The following INTS12 variants were observed in gnomAD, a reference collection of about 807,000 sequenced individuals.
The protein encoded by INTS12 is integrator complex subunit 12.
In INTS12, 13 loss-of-function variants were observed where a neutral mutation model predicts 41.6. That is an observed-to-expected ratio of 0.31 (90% CI 0.20 to 0.50). The LOEUF (loss-of-function observed/expected upper bound fraction) is 0.50, where lower values mean the gene tolerates loss of function less well. INTS12 is among the 20% of genes least tolerant of loss of function. INTS12 has a pLI of 0.98. For synonymous variants in INTS12, 199 were observed against 191.4 expected (o/e 1.04, Z -0.33); for missense variants, 432 against 541.6 (o/e 0.80, Z 2.01).
intron 7 of INTS12, among the ~76,000 whole-genome samples, chr4:105,684,737 A>G (rs1159144202): frequency 6.6e-6 from 1 of 150,392 alleles, no homozygotes; most frequent in Non-Finnish European, 1.5e-5. Flanking sequence ...AAAGTTAGTC[A>G]AGAAGTAAAC....
chr4:105,688,617 C>G (rs1229786748), intron 6 of INTS12, among the ~76,000 whole-genome samples: 2 of 152,140 alleles, frequency 1.3e-5, no homozygotes, highest in African/African-American at 2.4e-5. Flanking sequence ...AACCATGTTA[C>G]GAGAATGCAT....
In INTS12 at chr4:105,695,552, C is replaced by T. The variant is rs552275705; in HGVS notation, c.273G>A (p.Lys91=). 3.7e-6 allele frequency: 6 copies of T among 1,609,336 alleles called. No homozygotes were observed. The South Asian group carries it at 4.5e-5, about 12-fold the overall frequency. Residue 91 remains lysine (K), a synonymous_variant, in exon 4 of 8, where the codon AAG becomes AAA. Coordinates refer to ENST00000340139, the MANE Select transcript of INTS12 (RefSeq NM_020395.4). ...NNNGKVLTTE[K]VKKEAEKRPA... is the part of the protein sequence containing the mutation. ...GTCTCTTTTCAGCTTCCTTCTTTAC[C>T]TTTTCAGTTGTGAGGACCTTGCCAT...
intron 6 of INTS12, among the ~76,000 whole-genome samples, chr4:105,688,294 C>T (rs1731564658): frequency 6.6e-6 from 1 of 152,134 alleles, no homozygotes; most frequent in Non-Finnish European, 1.5e-5. Context: ...CCATACAGTA[C>T]TATACCAGGG....
At chr4:105,696,025 T>C (rs1047598089) in intron 3 of INTS12, among the ~76,000 whole-genome samples, 1 of 152,030 alleles carries the variant, frequency 6.6e-6, no homozygotes, top group African/African-American at 2.4e-5. Flanking sequence ...CTGATTTTTG[T>C]AGTTTCAGTA....
intron 7 of INTS12, 146 bp from the exon 8 acceptor site, chr4:105,683,463 C>T: frequency 1.5e-6 from 1 of 658,282 alleles, no homozygotes; most frequent in Non-Finnish European, 2.5e-6. Context: ...CAGAACAAAA[C>T]TTATCTGTAT....
chr4:105,684,223 G>T (rs578248951), intron 7 of INTS12, among the ~76,000 whole-genome samples: 99 of 152,212 alleles, frequency 6.5e-4, no homozygotes, highest in African/African-American at 2.3e-3. Flanking sequence ...GTTCACACAA[G>T]AATATATTTT....
At chr4:105,697,276 C>G (rs533612581) in intron 3 of INTS12, among the ~76,000 whole-genome samples, 1 of 152,192 alleles carries the variant, frequency 6.6e-6, no homozygotes, top group Non-Finnish European at 1.5e-5. Flanking sequence ...CCCCCTCCCC[C>G]AAAAGGAGGG....
intron 6 of INTS12, among the ~76,000 whole-genome samples, chr4:105,689,315 T>C (rs958700169): frequency 5.6e-4 from 86 of 152,232 alleles, no homozygotes; most frequent in African/African-American, 2.1e-3. Context: ...AGGTCCTATT[T>C]ATAATATCTT....
chr4:105,683,419 T>C, intron 7 of INTS12, 102 bp from the exon 8 acceptor site: 1 of 856,710 alleles, frequency 1.2e-6, no homozygotes, highest in Non-Finnish European at 1.7e-6. Context: ...CACCACCAAA[T>C]TAGGTTCTTA....
chr4:105,684,928 C>T (rs957623725), intron 7 of INTS12, among the ~76,000 whole-genome samples: 6 of 152,020 alleles, frequency 3.9e-5, no homozygotes, highest in Non-Finnish European at 7.4e-5. Flanking sequence ...ATGTGTCTGG[C>T]ATTTCATTTT....
chr4:105,695,678 G>A lies in INTS12; in HGVS notation c.157-10C>T, dbSNP rs1371777744. 5 of 1,596,552 alleles carry A rather than the reference G, an allele frequency of 3.1e-6. No individual in the cohort carries two copies. The highest frequency in any genetic ancestry group is 3.6e-5 in the Admixed American group (2 of 56,334). ...TGGGTGGCTCCACATCCTAAAAGAT[G>A]AAAAAAGGTACCAGTAATTAAATAT... On this transcript the variant is annotated splice_polypyrimidine_tract_variant and intron_variant, in intron 3 of 7. Transcript: ENST00000340139.
At chr4:105,686,999 C>A in intron 6 of INTS12, 161 bp from the exon 7 acceptor site, 1 of 629,236 alleles carries the variant, frequency 1.6e-6, no homozygotes, top group East Asian at 2.8e-5. Flanking sequence ...AAATTATTAT[C>A]ATATTAATGG....
intron 1 of INTS12, among the ~76,000 whole-genome samples, chr4:105,704,636 A>G (rs1010739557): frequency 2.6e-5 from 4 of 152,192 alleles, no homozygotes; most frequent in African/African-American, 9.6e-5. Flanking sequence ...TGCCAGCTTG[A>G]CATGGATATA....
At chr4:105,693,626 C>T (rs1034690128) in intron 4 of INTS12, 140 bp from the exon 5 acceptor site, 3 of 584,506 alleles carry the variant, frequency 5.1e-6, no homozygotes, top group Middle Eastern at 4.7e-4. Flanking sequence ...GACAGATGTG[C>T]ACATTAAAGA....
rs1560780707 is a variant in INTS12, at chr4:105,700,019, AG to A, written c.-9-6del. 1 of 1,465,434 alleles carries A rather than the reference AG, an allele frequency of 6.8e-7. No homozygotes were observed. The highest frequency in any genetic ancestry group is 1.4e-5 in the African/African-American group (1 of 71,166). 90.8% of individuals were successfully genotyped at this position (1,465,434 alleles called of 1,614,324 possible). ...AGTAGCAGCCATTGCAAACGCCTGA[AG>A]GAAAAAAAGAGAAAGTAATCTAGAA... On this transcript the variant is annotated splice_region_variant and splice_polypyrimidine_tract_variant and intron_variant, in intron 2 of 7. Coordinates refer to ENST00000340139, the MANE Select transcript of INTS12 (RefSeq NM_020395.4).
intron 3 of INTS12, among the ~76,000 whole-genome samples, chr4:105,695,946 T>G (rs867701251): frequency 1.3e-5 from 2 of 152,124 alleles, no homozygotes; most frequent in Non-Finnish European, 1.5e-5. Flanking sequence ...CTCTGCCTCC[T>G]GGGTTCAAGT....
At position 105,683,185 on chromosome 4, in the gene INTS12, T is replaced by C. The variant is rs1443109072; in HGVS notation, c.937A>G (p.Thr313Ala). The change falls in exon 8 of 8, where the codon ACA becomes GCA. Residue 313 changes from threonine to alanine, a missense_variant. Transcript: ENST00000340139. ...AGPSTAKLSS[T>A]TQNNTGKPAT... ...GGTTTCCCAGTATTGTTTTGTGTTG[T>C]TGAACTCAATTTTGCTGTTGAAGGA... The C allele has an allele frequency of 2.5e-6, 4 of 1,614,028 alleles. No homozygotes were observed. The African/African-American group carries it at 5.3e-5, about 22-fold the overall frequency.
At chr4:105,700,492 G>A (rs1732025722) in intron 2 of INTS12, among the ~76,000 whole-genome samples, 1 of 151,222 alleles carries the variant, frequency 6.6e-6, no homozygotes, top group Non-Finnish European at 1.5e-5. Flanking sequence ...GGTATATTAA[G>A]TGATTAGCTA....
At position 105,699,977 on chromosome 4, in the gene INTS12, T is replaced by A; in HGVS notation, c.29A>T (p.Asp10Val). Residue 10 changes from aspartate (D) to valine (V), a missense_variant, in exon 3 of 8, where the codon GAT becomes GTT. By Grantham distance (152) the Asp-to-Val change is radical. Coordinates refer to ENST00000340139, the MANE Select transcript of INTS12 (RefSeq NM_020395.4). ...ACCTAGTGCTTTCAAAAAAATGGGATCAAGTTCCAAGTTCACAGTAGCAGC... is the reference window on the plus strand; with the variant it reads ...ACCTAGTGCTTTCAAAAAAATGGGAACAAGTTCCAAGTTCACAGTAGCAGC... MAATVNLEL[D>V]PIFLKALGFL... 1 of 1,539,366 alleles carries A rather than the reference T, an allele frequency of 6.5e-7. No homozygotes were observed. Among genetic ancestry groups the A allele is most frequent in the South Asian group, 1.2e-5 (1 of 80,610 alleles).
Sources: gnomAD v4.1 joint callset for allele counts (sites outside exome capture counted in the v4.1 genomes callset) on GRCh38, gnomAD v4.1.1 for gene constraint, MANE v1.5 for transcripts, NCBI Gene and HGNC (gene_info 2026-07-23, HGNC 2026-07-21) for gene names.